Variants in TRIM71 observed in about 807,000 individuals in gnomAD.
The protein encoded by TRIM71 is E3 ubiquitin-protein ligase TRIM71.
Under a neutral mutation model 61.2 loss-of-function variants are expected in TRIM71, and 9 were observed. The observed-to-expected ratio is 0.15, with a 90% CI of 0.09 to 0.26. The LOEUF is 0.26. Ranked by LOEUF, TRIM71 falls within the 10% of genes least tolerant of loss-of-function variation. The pLI is 1.00. For synonymous variants in TRIM71, 645 were observed against 553.2 expected, an observed-to-expected ratio of 1.17 and a Z score of -2.33; for missense variants, 998 against 1,238.7, an observed-to-expected ratio of 0.81 and a Z score of 2.92.
In TRIM71 at chr3:32,893,195, C is replaced by G. The variant is rs1559552898; in HGVS notation, c.*1384C>G. ...TGGTTAACATGAATCCCCCCGCCCC[C>G]TCTCCCCCCAAGGCCTTTGACCATA... On this transcript the variant is annotated 3_prime_UTR_variant, in exon 4 of 4. Coordinates refer to ENST00000383763, the MANE Select transcript of TRIM71 (RefSeq NM_001039111.3). The G allele has an allele frequency of 1.3e-5, 2 of 151,216 alleles. No individual in the cohort carries two copies. Among genetic ancestry groups the G allele is most frequent in the African/African-American group, 4.9e-5 (2 of 40,990 alleles). 9.4% of individuals were successfully genotyped at this position (151,216 alleles called of 1,614,324 possible). A position where few individuals can be genotyped will look rare whatever the true frequency, so the allele number is the denominator to read the frequency against.
At chr3:32,842,384 T>A (rs559033436) in intron 1 of TRIM71, among the ~76,000 whole-genome samples, 2 of 152,230 alleles carry the variant, frequency 1.3e-5, no homozygotes, top group South Asian at 4.2e-4. Flanking sequence ...TTTCTTAGAT[T>A]TGGGTGAGAG....
intron 2 of TRIM71, among the ~76,000 whole-genome samples, chr3:32,884,701 ATAG>A (rs1559550916): frequency 6.6e-6 from 1 of 152,156 alleles, no homozygotes; most frequent in East Asian, 1.9e-4. Context: ...CTGTAGCTAG[ATAG>A]TGGTGGTGAT....
At chr3:32,837,089 G>C (rs962941617) in intron 1 of TRIM71, among the ~76,000 whole-genome samples, 1 of 141,036 alleles carries the variant, frequency 7.1e-6, no homozygotes, top group African/African-American at 2.5e-5. Flanking sequence ...ACTTGAAGTA[G>C]ATTAAGAAAA....
At chr3:32,884,919 GAGGACC>G (rs1696944306) in intron 2 of TRIM71, among the ~76,000 whole-genome samples, 1 of 152,158 alleles carries the variant, frequency 6.6e-6, no homozygotes, top group African/African-American at 2.4e-5. Context: ...CAAGGTTGGA[GAGGACC>G]AGGAGCTTGT....
chr3:32,882,636 C>G (rs1421163552), intron 2 of TRIM71, among the ~76,000 whole-genome samples: 1 of 152,088 alleles, frequency 6.6e-6, no homozygotes, highest in African/African-American at 2.4e-5. Context: ...GCTTCGATCT[C>G]CCAAGACTCA....
In TRIM71 at chr3:32,888,091, T is replaced by C. The variant is rs116057459; in HGVS notation, c.1155+2023T>C. ...TAATGTTTCATTGGTAAAACAAAAT[T>C]CCATATTTCTAAATAGCATGGTTTG... is the stretch of plus-strand genomic sequence containing the variant. On this transcript the variant is annotated intron_variant, in intron 3 of 3. Transcript: ENST00000383763. 2.3e-3 allele frequency among the ~76,000 whole-genome samples: 343 copies of C among 152,248 alleles called. 1 individual carries two copies. Among genetic ancestry groups the C allele is most frequent in the African/African-American group, 7.8e-3 (325 of 41,544 alleles).
At chr3:32,833,424 G>A (rs1696297828) in intron 1 of TRIM71, among the ~76,000 whole-genome samples, 1 of 151,918 alleles carries the variant, frequency 6.6e-6, no homozygotes, top group Non-Finnish European at 1.5e-5. Context: ...GGGATAATAA[G>A]ATGATTCCCT....
At chr3:32,861,019 T>C (rs1338368340) in intron 1 of TRIM71, among the ~76,000 whole-genome samples, 1 of 151,398 alleles carries the variant, frequency 6.6e-6, no homozygotes. Flanking sequence ...TACTGAAAAT[T>C]CAAAAATTAG....
chr3:32,831,482 T>TGCA (rs1204461651), intron 1 of TRIM71, among the ~76,000 whole-genome samples: 1 of 152,068 alleles, frequency 6.6e-6, no homozygotes, highest in African/African-American at 2.4e-5. Context: ...TCCTGCAAGT[T>TGCA]GCAGCCAAAC....
intron 1 of TRIM71, among the ~76,000 whole-genome samples, chr3:32,845,738 G>A (rs1696463469): frequency 6.7e-6 from 1 of 150,270 alleles, no homozygotes; most frequent in South Asian, 2.1e-4. Context: ...TTTTGAAACA[G>A]AGTCTCTCTG....
chr3:32,891,263 C>T lies in TRIM71; in HGVS notation c.2059C>T (p.Leu687Phe). ...IQIFTFEGQF[L>F]LKFGEKGTKN... ...GATCTTCACGTTCGAGGGCCAGTTC[C>T]TCCTCAAGTTTGGTGAGAAAGGAAC... Residue 687 changes from leucine to phenylalanine, a missense_variant, in exon 4 of 4, where the codon CTC becomes TTC. Transcript: ENST00000383763. The surrounding 1 kb of genome is among the most constrained non-coding windows in gnomAD (Gnocchi z 8.2). The T allele has an allele frequency of 6.2e-7, 1 of 1,613,742 alleles. No individual in the cohort carries two copies. Among genetic ancestry groups the T allele is most frequent in the South Asian group, 1.1e-5 (1 of 91,048 alleles).
At chr3:32,839,012 G>A (rs1307523954) in intron 1 of TRIM71, among the ~76,000 whole-genome samples, 4 of 151,840 alleles carry the variant, frequency 2.6e-5, no homozygotes, top group African/African-American at 7.3e-5. Flanking sequence ...TGTTGTCTAG[G>A]CTGGTCTTGA....
intron 2 of TRIM71, among the ~76,000 whole-genome samples, chr3:32,881,962 A>G (rs1696913282): frequency 6.6e-6 from 1 of 152,226 alleles, no homozygotes; most frequent in Admixed American, 6.5e-5. Flanking sequence ...ATTGCAACAA[A>G]AGCTTTGAAT....
chr3:32,840,092 C>T (rs1696386715), intron 1 of TRIM71, among the ~76,000 whole-genome samples: 1 of 152,176 alleles, frequency 6.6e-6, no homozygotes, highest in African/African-American at 2.4e-5. Context: ...TTCCCAAGGC[C>T]TCTGCAAGCC....
intron 1 of TRIM71, among the ~76,000 whole-genome samples, chr3:32,821,671 G>T (rs1696134633): frequency 6.6e-6 from 1 of 152,128 alleles, no homozygotes; most frequent in Non-Finnish European, 1.5e-5. Flanking sequence ...AGTCCGAAAG[G>T]CCTGCAGGCT....
Position 32,886,000 on chromosome 3 carries a change from G to C in TRIM71, c.1087G>C (p.Glu363Gln). The change falls in exon 3 of 4, where the codon GAG becomes CAG. Residue 363 changes from glutamate (E) to glutamine (Q), a missense_variant. Transcript: ENST00000383763. ...VEMKAKVVQSEVKAVTARHKK... is the reference protein window; with the variant it reads ...VEMKAKVVQSQVKAVTARHKK... ...GATGAAGGCGAAGGTTGTGCAGTCGGAGGTCAAAGCCGTGACGGCGAGGCA... is the reference window on the plus strand; with the variant it reads ...GATGAAGGCGAAGGTTGTGCAGTCGCAGGTCAAAGCCGTGACGGCGAGGCA... 1 of 1,614,184 alleles carries C rather than the reference G, an allele frequency of 6.2e-7. No homozygotes were observed. Among genetic ancestry groups the C allele is most frequent in the Non-Finnish European group, 8.5e-7 (1 of 1,180,034 alleles).
rs372566035 is a variant in TRIM71, at chr3:32,874,585, C to T, written c.1020+600C>T. ...TTGCCCAGGCTGGAGTGCAGTGGCA[C>T]GATCTCGGCTCACTGCAAGCTCCGC... is the stretch of plus-strand genomic sequence containing the variant. On this transcript the variant is annotated intron_variant, in intron 2 of 3. Coordinates refer to ENST00000383763, the MANE Select transcript of TRIM71 (RefSeq NM_001039111.3). Among the ~76,000 whole-genome samples the T allele has an allele frequency of 1.9e-4, 29 of 151,644 alleles. No homozygotes were observed. In the East Asian group the frequency reaches 3.9e-3, roughly 20 times the overall value.
rs1282037049 is a variant in TRIM71, at chr3:32,892,287, G to GA, written c.*482dup. 4 of 154,160 alleles carry GA rather than the reference G, an allele frequency of 2.6e-5. No individual in the cohort carries two copies. Among genetic ancestry groups the GA allele is most frequent in the African/African-American group, 9.7e-5 (4 of 41,418 alleles). 9.5% of individuals were successfully genotyped at this position (154,160 alleles called of 1,614,324 possible). A position where few individuals can be genotyped will look rare whatever the true frequency, so the allele number is the denominator to read the frequency against. On this transcript the variant is annotated 3_prime_UTR_variant, in exon 4 of 4. Coordinates refer to ENST00000383763, the MANE Select transcript of TRIM71 (RefSeq NM_001039111.3). ...AAAAAACAAAAAACTATAAAACATGGAAAAAATAGGATTTGAAATGCATAA... is the reference window on the plus strand; with the variant it reads ...AAAAAACAAAAAACTATAAAACATGGAAAAAAATAGGATTTGAAATGCATAA...
chr3:32,822,811 T>G (rs1335041541), intron 1 of TRIM71, among the ~76,000 whole-genome samples: 2 of 152,246 alleles, frequency 1.3e-5, no homozygotes, highest in African/African-American at 2.4e-5. Flanking sequence ...TTTCCTATCT[T>G]TTCCGTCTTT....
Sources: gnomAD v4.1 joint callset for allele counts (sites outside exome capture counted in the v4.1 genomes callset) on GRCh38, gnomAD v4.1.1 for gene constraint, Gnocchi (gnomAD v3.1) non-coding constraint, MANE v1.5 for transcripts, NCBI Gene and HGNC (gene_info 2026-07-23, HGNC 2026-07-21) for gene names.